BEST3: variants seen among roughly 807,000 people sequenced by gnomAD.
The protein encoded by BEST3 is bestrophin 3, also known as bestrophin-3.
A neutral mutation model predicts 47.1 loss-of-function variants in BEST3; 50 were observed. That is an observed-to-expected ratio of 1.06 (90% CI 0.85 to 1.34). The LOEUF is 1.34. Ranked by LOEUF, BEST3 falls within the 40% of genes most tolerant of loss-of-function variation. BEST3 has a pLI of 0.00. For missense variants in BEST3, 765 were observed against 817.0 expected (o/e 0.94, Z 0.78); for synonymous variants, 282 against 298.8 (o/e 0.94, Z 0.58).
chr12:69,684,212 T>A (rs1353696475), intron 4 of BEST3: 15 of 211,022 alleles, frequency 7.1e-5, no homozygotes. Context: ...CGCTTTTTCT[T>A]CTGGCTGGCT....
At chr12:69,643,832 G>A (rs940845104) in intron 9 of BEST3, 14 of 663,374 alleles carry the variant, frequency 2.1e-5, no homozygotes, top group Middle Eastern at 2.5e-4. Flanking sequence ...CTTTCTACAC[G>A]TATACAGGTG....
At chr12:69,678,674 G>A (rs1885064294) in intron 5 of BEST3, 65 bp downstream of exon 5, 1 of 1,495,054 alleles carries the variant, frequency 6.7e-7, no homozygotes, top group African/African-American at 1.4e-5. Context: ...GGTCTAACGT[G>A]TTATATCCAG....
chr12:69,660,392 A>G (rs903544192), intron 9 of BEST3: 5 of 152,186 alleles, frequency 3.3e-5, no homozygotes, highest in African/African-American at 1.2e-4. Flanking sequence ...TACACCTAGG[A>G]GATATCACTT....
intron 9 of BEST3, among the ~76,000 whole-genome samples, chr12:69,647,513 T>G (rs1565816264): frequency 6.6e-6 from 1 of 152,202 alleles, no homozygotes; most frequent in Non-Finnish European, 1.5e-5. Flanking sequence ...CTCTTTCAGA[T>G]GCTGTTTGTT....
Position 69,677,022 on chromosome 12 carries a change from C to T in BEST3, c.761G>A (p.Gly254Glu), listed in dbSNP as rs1338087756. The change falls in exon 7 of 10, where the codon GGA becomes GAA. Residue 254 changes from glycine (G) to glutamate (E), a missense_variant. Transcript: ENST00000330891. ...TTTGGTGGGATCCAAAAACTGGCGT[C>T]CAATCAGGCACGCAAAGAAGAAGGT... ...VYTFFFACLI[G>E]RQFLDPTKGY... is the part of the protein sequence containing the mutation. 1 of 1,613,990 alleles carries T rather than the reference C, an allele frequency of 6.2e-7. No individual in the cohort carries two copies. Among genetic ancestry groups the T allele is most frequent in the African/African-American group, 1.3e-5 (1 of 74,892 alleles).
chr12:69,681,818 C>A (rs1038854371), intron 4 of BEST3, among the ~76,000 whole-genome samples: 1 of 151,804 alleles, frequency 6.6e-6, no homozygotes, highest in East Asian at 2.0e-4. Flanking sequence ...TGGTGGCTCA[C>A]GCCTGTAATC....
intron 4 of BEST3, among the ~76,000 whole-genome samples, chr12:69,681,701 G>A (rs182732395): frequency 2.2e-4 from 34 of 152,206 alleles, no homozygotes; most frequent in East Asian, 1.9e-3. Context: ...CCTGGACCCC[G>A]ACCCTGACTA....
At chr12:69,669,591 C>T (rs1884435808) in intron 9 of BEST3, 1 of 152,166 alleles carries the variant, frequency 6.6e-6, no homozygotes, top group Non-Finnish European at 1.5e-5. Flanking sequence ...TTTAATCTTT[C>T]TCTGCTTCAG....
chr12:69,694,380 G>A lies in BEST3; in HGVS notation c.237C>T (p.Thr79=), dbSNP rs747308334. 5.6e-6 allele frequency: 9 copies of A among 1,601,970 alleles called. No individual in the cohort carries two copies. Among genetic ancestry groups the A allele is most frequent in the Non-Finnish European group, 6.8e-6 (8 of 1,173,396 alleles). Residue 79 remains threonine, a synonymous_variant, in exon 3 of 10, where the codon ACC becomes ACT. Coordinates refer to ENST00000330891, the MANE Select transcript of BEST3 (RefSeq NM_032735.3). ...GTGACCTATACTTACCAAGCACAAA[G>A]GTTACTGGAATTTGTTCAGCATATC... ...CDRYAEQIPV[T]FVLGFYVTLV...
In BEST3 at chr12:69,693,800, C is replaced by T. The variant is rs200468878; in HGVS notation, c.355G>A (p.Glu119Lys). The change falls in exon 4 of 10, where the codon GAG becomes AAG. Residue 119 changes from glutamate (E) to lysine (K), a missense_variant. Coordinates refer to ENST00000330891, the MANE Select transcript of BEST3 (RefSeq NM_032735.3). ...GTCCTTCTAAGCAGGCGCCCGTGCTCGTCGCTTCCGTGAACACTGCTAGAG... is the reference window on the plus strand; with the variant it reads ...GTCCTTCTAAGCAGGCGCCCGTGCTTGTCGCTTCCGTGAACACTGCTAGAG... ...LISSSVHGSD[E>K]HGRLLRRTLM... The T allele has an allele frequency of 1.6e-5, 26 of 1,614,138 alleles. No homozygotes were observed. Among genetic ancestry groups the T allele is most frequent in the African/African-American group, 1.5e-4 (11 of 75,052 alleles).
intron 4 of BEST3, among the ~76,000 whole-genome samples, chr12:69,681,393 G>A (rs945243466): frequency 3.3e-5 from 5 of 152,078 alleles, no homozygotes; most frequent in African/African-American, 1.2e-4. Context: ...CAGGCAGGAG[G>A]ATTACTTAGG....
chr12:69,643,677 C>T (rs531984533), exon 10 of BEST3: 13 of 657,588 alleles, frequency 2.0e-5, no homozygotes, highest in Non-Finnish European at 3.4e-5. Flanking sequence ...TTGAAAGATT[C>T]GAGTGTTGTA....
At chr12:69,657,667 G>A (rs1459194776) in intron 9 of BEST3, among the ~76,000 whole-genome samples, 2 of 152,048 alleles carry the variant, frequency 1.3e-5, no homozygotes, top group East Asian at 1.9e-4. Flanking sequence ...CAAGATGCCG[G>A]GTGCATTTTA....
chr12:69,698,325 C>G (rs1174920591), intron 1 of BEST3, among the ~76,000 whole-genome samples: 1 of 152,198 alleles, frequency 6.6e-6, no homozygotes, highest in Non-Finnish European at 1.5e-5. Flanking sequence ...GGTTCACATT[C>G]TCTTTGGAGT....
At position 69,671,434 on chromosome 12, in the gene BEST3, T is replaced by C; in HGVS notation, c.1094A>G (p.Gln365Arg). The C allele has an allele frequency of 6.2e-7, 1 of 1,613,608 alleles. No individual in the cohort carries two copies. ...TTTTTAAAAATGCACTTACCCCATC[T>C]GGACTGTTGACCCCAGAAATGAGGG... is the stretch of plus-strand genomic sequence containing the variant. Reference protein sequence around the residue: ...CIPSFLGSTVQMGLSGSDFPD... With the variant: ...CIPSFLGSTVRMGLSGSDFPD... The change falls in exon 9 of 10, where the codon CAG (glutamine) becomes CGG (arginine). Residue 365 changes from glutamine to arginine, a missense_variant. Transcript: ENST00000330891.
intron 4 of BEST3, among the ~76,000 whole-genome samples, chr12:69,691,998 T>C (rs1885944074): frequency 6.6e-6 from 1 of 152,202 alleles, no homozygotes; most frequent in South Asian, 2.1e-4. Context: ...TCTGTCTTTT[T>C]ATAAAACCTC....
intron 2 of BEST3, among the ~76,000 whole-genome samples, chr12:69,695,170 G>C (rs1227818328): frequency 6.6e-6 from 1 of 152,166 alleles, no homozygotes; most frequent in African/African-American, 2.4e-5. Flanking sequence ...ATAGGGAAGA[G>C]ATTCAGAGTC....
rs140310153 is a variant in BEST3 at position 69,677,196 on chromosome 12, G to A, written c.698C>T (p.Pro233Leu). The change falls in exon 6 of 10, where the codon CCG becomes CTG. Residue 233 changes from proline (P) to leucine (L), a missense_variant. By Grantham distance (98) the Pro-to-Leu change is moderately conservative (BLOSUM62 -3). Transcript: ENST00000330891. The part of the protein sequence containing the change: ...LLFGYDWVGI[P>L]LVYTQVVTLA... ...ATTTCTTACCTGGGTGTAAACCAGCGGAATCCCAACCCAGTCATAACCGAA... is the reference window on the plus strand; with the variant it reads ...ATTTCTTACCTGGGTGTAAACCAGCAGAATCCCAACCCAGTCATAACCGAA... 27 of 1,613,796 alleles carry A rather than the reference G, an allele frequency of 1.7e-5. No individual in the cohort carries two copies. Among genetic ancestry groups the A allele is most frequent in the African/African-American group, 9.3e-5 (7 of 75,040 alleles).
rs1184854431 is a variant in BEST3, at chr12:69,673,260, T to TCCTA, written c.868-296_868-295insTAGG. On this transcript the variant is annotated intron_variant, in intron 7 of 9. Coordinates refer to ENST00000330891, the MANE Select transcript of BEST3 (RefSeq NM_032735.3). ...CTATTTAGGAGCCAAATCAAATGAC[T>TCCTA]GAATAGTGAAGGAGAACCAGCTATT... Among the ~76,000 whole-genome samples, 4 of 152,256 alleles carry TCCTA rather than the reference T, an allele frequency of 2.6e-5. No homozygotes were observed. The East Asian group carries it at 7.7e-4, about 29-fold the overall frequency.
Sources: gnomAD v4.1 joint callset for allele counts (sites outside exome capture counted in the v4.1 genomes callset) on GRCh38, gnomAD v4.1.1 for gene constraint, MANE v1.5 for transcripts, NCBI Gene and HGNC (gene_info 2026-07-23, HGNC 2026-07-21) for gene names.